Variants in ANO1 observed in about 807,000 individuals in gnomAD.
The protein encoded by ANO1 is anoctamin-1.
A neutral mutation model predicts 124.0 loss-of-function variants in ANO1; 59 were observed. The ratio of observed to expected loss-of-function variants is 0.48; its 90% CI spans 0.39 to 0.59. The LOEUF (loss-of-function observed/expected upper bound fraction) is 0.59. ANO1 is among the 20% of genes least tolerant of loss of function. ANO1 has a pLI of 0.00. For synonymous variants in ANO1, 529 were observed against 532.0 expected (o/e 0.99, Z 0.08); for missense variants, 1,059 against 1,328.0 (o/e 0.80, Z 3.15).
At chr11:70,106,833 G>A (rs546733800) in intron 5 of ANO1, among the ~76,000 whole-genome samples, 1 of 152,324 alleles carries the variant, frequency 6.6e-6, no homozygotes, top group South Asian at 2.1e-4. Flanking sequence ...CATTGGGGTG[G>A]TCCAGTGTGC....
At chr11:70,152,560 G>C (rs145462280) in intron 13 of ANO1, 99 bp downstream of exon 13, 65 of 1,409,306 alleles carry the variant, frequency 4.6e-5, no homozygotes, top group Non-Finnish European at 6.2e-5. Flanking sequence ...CGCAGTTCCC[G>C]CAGTTCCTCC....
At chr11:70,152,867 G>A (rs2047661407) in intron 13 of ANO1, among the ~76,000 whole-genome samples, 190 bp from the exon 14 acceptor site, 1 of 152,226 alleles carries the variant, frequency 6.6e-6, no homozygotes, top group South Asian at 2.1e-4. Context: ...CCCACAAGCG[G>A]GATGATCCTG....
At chr11:70,154,082 G>A (rs2047710238) in intron 14 of ANO1, among the ~76,000 whole-genome samples, 1 of 152,036 alleles carries the variant, frequency 6.6e-6, no homozygotes, top group South Asian at 2.1e-4. Context: ...ATTTAATGGT[G>A]TTTTTCACAT....
At chr11:70,187,519 G>A (rs1172544416) in intron 25 of ANO1, among the ~76,000 whole-genome samples, 1 of 152,148 alleles carries the variant, frequency 6.6e-6, no homozygotes, top group African/African-American at 2.4e-5. Flanking sequence ...CCCAATTACT[G>A]AGTTCAGATT....
intron 1 of ANO1, among the ~76,000 whole-genome samples, chr11:70,019,148 C>T (rs1415795462): frequency 6.6e-6 from 1 of 152,092 alleles, no homozygotes; most frequent in East Asian, 1.9e-4. Flanking sequence ...TGAGCCAGAC[C>T]TAAGCAGGCC....
chr11:70,151,922 C>T (rs2047616270), intron 12 of ANO1, among the ~76,000 whole-genome samples: 1 of 152,150 alleles, frequency 6.6e-6, no homozygotes, highest in African/African-American at 2.4e-5. Context: ...GGAAAGGCCA[C>T]AGCTACAAAG....
rs182914794 is a variant in ANO1 at position 70,124,293 on chromosome 11, G to A, written c.898-57G>A. 6.0e-3 allele frequency: 9,380 copies of A among 1,557,646 alleles called. 32 individuals are homozygous for A. Among genetic ancestry groups the A allele is most frequent in the Non-Finnish European group, 7.2e-3 (8,092 of 1,130,522 alleles). On this transcript the variant is annotated intron_variant, in intron 8 of 25. Coordinates refer to ENST00000355303, the MANE Select transcript of ANO1 (RefSeq NM_018043.7). ...CTCAGTCCCCGCAGCTCTGCGTTCC[G>A]GGGAGCAACCTCGGAGTGCCACATT... is the stretch of plus-strand genomic sequence containing the variant.
At chr11:70,142,048 A>C (rs923236749) in intron 11 of ANO1, among the ~76,000 whole-genome samples, 4 of 152,202 alleles carry the variant, frequency 2.6e-5, no homozygotes, top group Non-Finnish European at 5.9e-5. Flanking sequence ...CAGAGACTTC[A>C]GCTTGCTGCT....
chr11:70,045,241 T>C (rs1375040149), intron 1 of ANO1, among the ~76,000 whole-genome samples: 1 of 152,208 alleles, frequency 6.6e-6, no homozygotes, highest in Non-Finnish European at 1.5e-5. Context: ...ATTATATCAA[T>C]ATAAAGAGTT....
At chr11:70,108,035 A>T (rs1440383424) in intron 5 of ANO1, 15 of 343,066 alleles carry the variant, frequency 4.4e-5, no homozygotes, top group Non-Finnish European at 3.8e-5. Flanking sequence ...GTGACACAGG[A>T]CACCAGCACT....
At chr11:70,098,732 G>A (rs996626913) in intron 2 of ANO1, among the ~76,000 whole-genome samples, 9 of 152,176 alleles carry the variant, frequency 5.9e-5, no homozygotes, top group African/African-American at 1.9e-4. Context: ...AGTCCCATCC[G>A]TGGCCAAGAC....
At position 70,047,617 on chromosome 11, in the gene ANO1, GACA is replaced by G. The variant is rs782163859; in HGVS notation, c.59-30921_59-30919del. On this transcript the variant is annotated intron_variant, in intron 1 of 27. Coordinates refer to the ANO1 transcript ENST00000531349. ...GAGTTTCTTCTTAACTGAAAACAGAGACAACATTTTCTGTACAATGGTTTGAAT... is the reference window on the plus strand; with the variant it reads ...GAGTTTCTTCTTAACTGAAAACAGAGACATTTTCTGTACAATGGTTTGAAT... Among the ~76,000 whole-genome samples the G allele has an allele frequency of 3.2e-4, 49 of 152,302 alleles. 1 individual carries two copies. The East Asian group carries it at 7.5e-3, about 23-fold the overall frequency.
Position 70,062,204 on chromosome 11 carries a change from G to A in ANO1, c.59-16338G>A, listed in dbSNP as rs377591622. Among the ~76,000 whole-genome samples, 90 of 149,034 alleles carry A rather than the reference G, an allele frequency of 6.0e-4. 2 individuals carry two copies. In the South Asian group the frequency reaches 0.018, roughly 30 times the overall value. On this transcript the variant is annotated intron_variant, in intron 1 of 27. Coordinates refer to the ANO1 transcript ENST00000531349. ...CGATTCTCCTGCCTCAGCCTCCCAA[G>A]TAGCTGGAATTACAGACGCGTACCA...
chr11:70,050,309 C>T (rs1857332652), intron 1 of ANO1, among the ~76,000 whole-genome samples: 1 of 152,176 alleles, frequency 6.6e-6, no homozygotes, highest in Admixed American at 6.5e-5. Context: ...CACAGAAGTG[C>T]TGGGAACAGG....
At chr11:70,030,324 C>T (rs1411539106) in intron 1 of ANO1, among the ~76,000 whole-genome samples, 1 of 152,222 alleles carries the variant, frequency 6.6e-6, no homozygotes, top group Admixed American at 6.5e-5. Context: ...GTATCGGGTT[C>T]TCCCTTCTCA....
intron 11 of ANO1, among the ~76,000 whole-genome samples, chr11:70,145,840 G>A (rs2047351313): frequency 6.6e-6 from 1 of 151,566 alleles, no homozygotes; most frequent in African/African-American, 2.4e-5. Context: ...GGGGGACTGA[G>A]GCCAGAGAAT....
At chr11:70,090,567 C>T (rs2044587847) in intron 2 of ANO1, among the ~76,000 whole-genome samples, 1 of 152,180 alleles carries the variant, frequency 6.6e-6, no homozygotes, top group African/African-American at 2.4e-5. Context: ...GTGGCAGATG[C>T]TTGGCTGATA....
At chr11:69,991,461 C>G (rs1856153406) in intron 1 of ANO1, among the ~76,000 whole-genome samples, 1 of 152,210 alleles carries the variant, frequency 6.6e-6, no homozygotes, top group African/African-American at 2.4e-5. Context: ...GAGCCTGCCC[C>G]CCTGTCCTCT....
At position 70,163,341 on chromosome 11, in the gene ANO1, G is replaced by T; in HGVS notation, c.1950+1G>T. On this transcript the variant is annotated splice_donor_variant, in intron 19 of 25. Coordinates refer to ENST00000355303, the MANE Select transcript of ANO1 (RefSeq NM_018043.7). LOFTEE classifies it high-confidence loss of function. ...TTTCCGTTCCTTCCGAATGGAAGAGGTAACCGAAATTTTATTCATCTCTGG... is the reference window on the plus strand; with the variant it reads ...TTTCCGTTCCTTCCGAATGGAAGAGTTAACCGAAATTTTATTCATCTCTGG... 1.2e-6 allele frequency: 2 copies of T among 1,613,974 alleles called. No individual in the cohort carries two copies. The highest frequency in any genetic ancestry group is 1.1e-5 in the South Asian group (1 of 91,068).
Sources: gnomAD v4.1 joint callset for allele counts (sites outside exome capture counted in the v4.1 genomes callset) on GRCh38, gnomAD v4.1.1 for gene constraint, MANE v1.5 for transcripts, NCBI Gene and HGNC (gene_info 2026-07-23, HGNC 2026-07-21) for gene names.